The following KCNN1 variants were observed in gnomAD, a reference collection of about 807,000 sequenced individuals.
KCNN1 encodes small conductance calcium-activated potassium channel protein 1.
KCNN1 carries 20 observed loss-of-function variants against 44.7 expected under a neutral mutation model. The ratio of observed to expected loss-of-function variants is 0.45; its 90% CI spans 0.32 to 0.65. The LOEUF is 0.65. Ranked by LOEUF, KCNN1 falls within the 30% of genes least tolerant of loss-of-function variation. The pLI is 0.05. For synonymous variants in KCNN1, 324 were observed against 341.7 expected (o/e 0.95, Z 0.57); for missense variants, 632 against 785.3 (o/e 0.80, Z 2.33).
intron 7 of KCNN1, among the ~76,000 whole-genome samples, chr19:17,991,980 C>T (rs117986390): frequency 0.011 from 1,730 of 152,250 alleles, 24 homozygotes; most frequent in Middle Eastern, 0.071. Flanking sequence ...TAGAATATCA[C>T]GTGAGCAACA....
At chr19:17,958,369 T>C (rs573125997) in intron 2 of KCNN1, among the ~76,000 whole-genome samples, 1 of 151,938 alleles carries the variant, frequency 6.6e-6, no homozygotes, top group South Asian at 2.1e-4. Flanking sequence ...CCCCAGCTAC[T>C]CAGGAGGCTG....
rs2031842921 is a variant in KCNN1, at chr19:17,967,200, C to T, written c.-199C>T. Reference sequence around the variant, plus strand: ...CCCCGCCGCCCCCGGGCCCCGCGCCCGCTCGCTGCTGCCCGCCCCGTCCGC... The same window carrying T: ...CCCCGCCGCCCCCGGGCCCCGCGCCTGCTCGCTGCTGCCCGCCCCGTCCGC... On this transcript the variant is annotated 5_prime_UTR_variant, in exon 1 of 10. Transcript: ENST00000684775. The T allele has an allele frequency of 3.1e-6, 3 of 967,406 alleles. No individual in the cohort carries two copies. The highest frequency in any genetic ancestry group is 3.5e-5 in the African/African-American group (2 of 56,544). The allele number at this position is 967,406 out of a possible 1,614,324, so 59.9% of individuals were successfully genotyped here.
rs1318192254 is a variant in KCNN1 at position 17,999,161 on chromosome 19, G to A, written c.*755G>A. The A allele has an allele frequency of 1.3e-5, 2 of 152,330 alleles. No homozygotes were observed. Among genetic ancestry groups the A allele is most frequent in the Admixed American group, 6.6e-5 (1 of 15,264 alleles). 9.4% of individuals were successfully genotyped at this position (152,330 alleles called of 1,614,324 possible). On this transcript the variant is annotated 3_prime_UTR_variant, in exon 10 of 10. Transcript: ENST00000684775. ...CATCAGAACTTGACCATGGTGGGAT[G>A]GGGGGGAAACTGAGGCCCAGAGAGG... is the stretch of plus-strand genomic sequence containing the variant.
intron 3 of KCNN1, 78 bp from the exon 4 acceptor site, chr19:17,981,631 C>A (rs1476911100): frequency 9.7e-6 from 13 of 1,337,060 alleles, no homozygotes; most frequent in Non-Finnish European, 1.3e-5. Flanking sequence ...ACGTCACTCT[C>A]TGGGGGCGCG....
rs888857718 is a variant in KCNN1 at position 17,981,886 on chromosome 19, G to A, written c.676G>A (p.Val226Met). 1.9e-6 allele frequency: 3 copies of A among 1,612,276 alleles called. No homozygotes were observed. In the African/African-American group the frequency reaches 4.0e-5, roughly 22 times the overall value. ...CGCGCCCTCGGTGGCCGAGGCCGAC[G>A]TGGACGTGCTGCTGTCCATCCCCAT... ...TYAPSVAEAD[V>M]DVLLSIPMFL... The change falls in exon 4 of 10, where the codon GTG (valine) becomes ATG (methionine). Residue 226 changes from valine to methionine, a missense_variant. Val to Met is a conservative substitution (Grantham distance 21). This residue lies in a region of KCNN1 where 160 missense variants were observed against 308.3 expected (regional missense o/e 0.52). Transcript: ENST00000684775.
intron 4 of KCNN1, among the ~76,000 whole-genome samples, chr19:17,984,388 G>C (rs956322823): frequency 2.5e-4 from 38 of 152,120 alleles, no homozygotes; most frequent in African/African-American, 9.2e-4. Flanking sequence ...TGAAGATCCT[G>C]CTCTATCCAG....
chr19:17,988,735 A>C (rs950980867), intron 6 of KCNN1, among the ~76,000 whole-genome samples: 52 of 152,032 alleles, frequency 3.4e-4, no homozygotes, highest in African/African-American at 1.3e-3. Flanking sequence ...ACATGGCAAA[A>C]TCCCATCTCT....
chr19:17,955,497 G>A (rs1424777792), intron 2 of KCNN1, among the ~76,000 whole-genome samples: 1 of 145,864 alleles, frequency 6.9e-6, no homozygotes, highest in African/African-American at 2.5e-5. Flanking sequence ...GGAGGCGGAA[G>A]TTGCAGTGAG....
intron 1 of KCNN1, among the ~76,000 whole-genome samples, chr19:17,954,349 T>C (rs139100837): frequency 0.043 from 6,510 of 152,094 alleles, 298 homozygotes; most frequent in Middle Eastern, 0.12. Context: ...CCCAGATGCT[T>C]GGGAGGCTGA....
At chr19:17,962,742 C>G (rs2031710286), upstream of KCNN1, among the ~76,000 whole-genome samples, 2 of 151,942 alleles carry the variant, frequency 1.3e-5, no homozygotes, top group Admixed American at 1.3e-4. Context: ...GTGTCTTGCA[C>G]TGTCACCCAG....
At chr19:17,994,228 TGAGCC>T (rs2032903660) in intron 9 of KCNN1, among the ~76,000 whole-genome samples, 1 of 151,990 alleles carries the variant, frequency 6.6e-6, no homozygotes, top group Non-Finnish European at 1.5e-5. Context: ...GCAGATCACT[TGAGCC>T]CAAGAGGTTG....
intron 9 of KCNN1, among the ~76,000 whole-genome samples, chr19:17,995,451 G>A (rs2032951614): frequency 2.6e-5 from 4 of 151,832 alleles, no homozygotes; most frequent in African/African-American, 9.7e-5. Flanking sequence ...TGGGATTACA[G>A]GCGTGAGCCA....
rs1458045384 is a variant in KCNN1, at chr19:17,988,499, A to C, written c.1144A>C (p.Met382Leu). The C allele has an allele frequency of 3.1e-6, 5 of 1,613,860 alleles. No individual in the cohort carries two copies. The highest frequency in any genetic ancestry group is 4.2e-6 in the Non-Finnish European group (5 of 1,179,882). The change falls in exon 6 of 10, where the codon ATG (methionine) becomes CTG (leucine). Residue 382 changes from methionine (M) to leucine (L), a missense_variant. Transcript: ENST00000684775. ...GGCTGAGAAGCACGTGCACAACTTC[A>C]TGATGGACACTCAGCTCACCAAGCG... ...TKAEKHVHNF[M>L]MDTQLTKRVK...
In KCNN1 at chr19:17,999,123, C is replaced by T. The variant is rs950323543; in HGVS notation, c.*717C>T. ...CAGAGAATGTGATGATGTCAATTAC[C>T]ACACTGATTCCTCATCAGAACTTGA... On this transcript the variant is annotated 3_prime_UTR_variant, in exon 10 of 10. Transcript: ENST00000684775. The T allele has an allele frequency of 6.6e-6, 1 of 152,270 alleles. No individual in the cohort carries two copies. The highest frequency in any genetic ancestry group is 6.5e-5 in the Admixed American group (1 of 15,272). 9.4% of individuals were successfully genotyped at this position (152,270 alleles called of 1,614,324 possible).
In KCNN1 at chr19:17,996,215, AG is replaced by A. The variant is rs539625284; in HGVS notation, c.1378-1935del. 4.1e-3 allele frequency among the ~76,000 whole-genome samples: 615 copies of A among 150,360 alleles called. 7 individuals are homozygous for A. Among genetic ancestry groups the A allele is most frequent in the African/African-American group, 0.014 (589 of 40,818 alleles). On this transcript the variant is annotated intron_variant, in intron 9 of 9. Coordinates refer to ENST00000684775, the MANE Select transcript of KCNN1 (RefSeq NM_001386974.1). ...AAAATTAGCAGGAGGCTGAGGTGGGAGGATCACTTGAGCCTGGGAGGTAAAA... is the reference window on the plus strand; with the variant it reads ...AAAATTAGCAGGAGGCTGAGGTGGGAGATCACTTGAGCCTGGGAGGTAAAA...
intron 1 of KCNN1, chr19:17,954,543 C>G (rs1385676645): frequency 6.5e-6 from 1 of 152,758 alleles, no homozygotes; most frequent in African/African-American, 2.4e-5. Flanking sequence ...CCCCGCACCC[C>G]CTGTCTGATC....
chr19:17,967,139 G>A lies in KCNN1; in HGVS notation c.-260G>A. On this transcript the variant is annotated 5_prime_UTR_variant, in exon 1 of 10. Coordinates refer to ENST00000684775, the MANE Select transcript of KCNN1 (RefSeq NM_001386974.1). ...CGCCCCCCGCCGGGCCCGTGGACTG[G>A]GCGGCGGGGGATGCGCCTGCCGCCG... The A allele has an allele frequency of 2.1e-6, 2 of 973,774 alleles. No homozygotes were observed. The highest frequency in any genetic ancestry group is 2.4e-6 in the Non-Finnish European group (2 of 821,842). The allele number at this position is 973,774 out of a possible 1,614,324, so 60.3% of individuals were successfully genotyped here. A position where few individuals can be genotyped will look rare whatever the true frequency, so the allele number is the denominator to read the frequency against.
chr19:17,961,586 CT>C (rs60134891), intron 2 of KCNN1, among the ~76,000 whole-genome samples: 8,859 of 130,002 alleles, frequency 0.068, 360 homozygotes, highest in Middle Eastern at 0.11. Context: ...TTCTTTCTTT[CT>C]TTTTTTTTTT....
chr19:17,973,688 C>T (rs891551852), intron 1 of KCNN1, 120 bp from the exon 2 acceptor site: 26 of 1,176,016 alleles, frequency 2.2e-5, no homozygotes, highest in South Asian at 1.4e-4. Context: ...GGTAAACCCA[C>T]GTGTCAGCAC....
Sources: allele counts gnomAD v4.1 joint callset (sites outside exome capture counted in the v4.1 genomes callset), GRCh38; gene constraint gnomAD v4.1.1; regional missense constraint gnomAD v4.1.1; transcripts MANE v1.5; gene names NCBI Gene and HGNC (gene_info 2026-07-23, HGNC 2026-07-21).